PHF20: variants seen among roughly 807,000 people sequenced by gnomAD.
PHF20 encodes glioma-expressed antigen 2.
In PHF20, 23 loss-of-function variants were observed where a neutral mutation model predicts 113.5. That is an observed-to-expected ratio of 0.20 (90% CI 0.15 to 0.29). PHF20 has a LOEUF of 0.29. PHF20 is among the 10% of genes least tolerant of loss of function. The probability of loss-of-function intolerance (pLI) is 1.00; values close to 1 mark genes in which losing one functional copy is unlikely to be tolerated. For synonymous variants in PHF20, 434 were observed against 457.3 expected (o/e 0.95, Z 0.65); for missense variants, 943 against 1,219.6 (o/e 0.77, Z 3.38).
chr20:35,929,362 C>G (rs926864657), intron 14 of PHF20, among the ~76,000 whole-genome samples: 2 of 152,250 alleles, frequency 1.3e-5, no homozygotes, highest in Non-Finnish European at 2.9e-5. Flanking sequence ...CTAGAAGCAT[C>G]TGCCTCCACT....
intron 1 of PHF20, among the ~76,000 whole-genome samples, chr20:35,773,284 A>C (rs1485915828): frequency 6.6e-6 from 1 of 152,114 alleles, no homozygotes; most frequent in Non-Finnish European, 1.5e-5. Flanking sequence ...GGTTTTGAGC[A>C]TGCCTTCCTA....
chr20:35,806,162 A>ATTTT (rs1299032685), intron 2 of PHF20, among the ~76,000 whole-genome samples: 1 of 123,694 alleles, frequency 8.1e-6, no homozygotes, highest in Non-Finnish European at 1.7e-5. Flanking sequence ...CATGCCTGGC[A>ATTTT]TTTTTTTTTT....
chr20:35,940,812 A>G (rs2055962458), intron 16 of PHF20, 52 bp from the exon 17 acceptor site: 2 of 1,476,344 alleles, frequency 1.4e-6, no homozygotes, highest in Admixed American at 2.1e-5. Context: ...TGGTTGAAAA[A>G]TGGGCCAGGG....
intron 2 of PHF20, among the ~76,000 whole-genome samples, chr20:35,804,162 C>T (rs2041838126): frequency 6.6e-6 from 1 of 151,664 alleles, no homozygotes; most frequent in Non-Finnish European, 1.5e-5. Flanking sequence ...GCAACATCCG[C>T]CTCCTGGGTT....
At chr20:35,796,472 T>A (rs2041669212) in intron 1 of PHF20, among the ~76,000 whole-genome samples, 1 of 152,144 alleles carries the variant, frequency 6.6e-6, no homozygotes, top group African/African-American at 2.4e-5. Context: ...TCCAAGAGTA[T>A]AAGCAGTTCC....
chr20:35,919,636 A>AT (rs1225271563), intron 13 of PHF20, among the ~76,000 whole-genome samples: 2 of 151,880 alleles, frequency 1.3e-5, no homozygotes, highest in Non-Finnish European at 2.9e-5. Flanking sequence ...ATACAGTTAC[A>AT]TTTTTTCCTC....
At chr20:35,864,072 A>C (rs930494941) in intron 6 of PHF20, among the ~76,000 whole-genome samples, 5 of 152,200 alleles carry the variant, frequency 3.3e-5, no homozygotes, top group Non-Finnish European at 7.3e-5. Flanking sequence ...CTCGTTCTCC[A>C]AATCAATTCA....
chr20:35,841,234 A>G (rs776425733), intron 2 of PHF20, among the ~76,000 whole-genome samples: 72 of 151,984 alleles, frequency 4.7e-4, no homozygotes, highest in Non-Finnish European at 7.2e-4. Context: ...AGTCTCAACT[A>G]CTTGGGAGGC....
intron 1 of PHF20, among the ~76,000 whole-genome samples, chr20:35,788,157 C>T (rs919641828): frequency 2.0e-5 from 3 of 151,574 alleles, no homozygotes; most frequent in Non-Finnish European, 4.4e-5. Flanking sequence ...AGTGCAGTGG[C>T]GCGATCTCGG....
chr20:35,945,389 A>T (rs1328188999), intron 17 of PHF20, among the ~76,000 whole-genome samples: 1 of 152,202 alleles, frequency 6.6e-6, no homozygotes, highest in Non-Finnish European at 1.5e-5. Context: ...CTCAAAGGAG[A>T]ACATGTGATA....
At chr20:35,887,977 C>CTT (rs1173881486) in intron 9 of PHF20, among the ~76,000 whole-genome samples, 13 of 137,262 alleles carry the variant, frequency 9.5e-5, no homozygotes, top group East Asian at 2.1e-4. Flanking sequence ...TTAGGGTTAC[C>CTT]TTTTTTTTTT....
intron 2 of PHF20, among the ~76,000 whole-genome samples, chr20:35,840,897 A>C (rs532950825): frequency 2.0e-5 from 3 of 152,338 alleles, no homozygotes; most frequent in African/African-American, 7.2e-5. Context: ...TCTAGAAAGA[A>C]GGTTGAATGG....
chr20:35,797,215 T>G (rs900674215), intron 1 of PHF20, among the ~76,000 whole-genome samples: 3 of 150,620 alleles, frequency 2.0e-5, no homozygotes, highest in Non-Finnish European at 4.4e-5. Context: ...TTAAATAACC[T>G]TAAAAGAAAA....
intron 2 of PHF20, among the ~76,000 whole-genome samples, chr20:35,839,390 C>CAAAAAA (rs752680212): frequency 8.8e-5 from 6 of 67,886 alleles, no homozygotes; most frequent in South Asian, 4.7e-4. Context: ...GATTCCATCT[C>CAAAAAA]AAAAAAAAAA....
intron 6 of PHF20, among the ~76,000 whole-genome samples, chr20:35,866,454 CAGTTG>C (rs2054322693): frequency 6.6e-6 from 1 of 152,120 alleles, no homozygotes; most frequent in Non-Finnish European, 1.5e-5. Flanking sequence ...TGGGGAACCC[CAGTTG>C]AGAAAATCTG....
At chr20:35,891,606 A>T (rs1600887939) in intron 9 of PHF20, among the ~76,000 whole-genome samples, 2 of 152,164 alleles carry the variant, frequency 1.3e-5, no homozygotes, top group African/African-American at 4.8e-5. Flanking sequence ...GCATGTGGGA[A>T]CAACATGCCA....
chr20:35,883,086 C>T (rs140330163), intron 9 of PHF20, among the ~76,000 whole-genome samples: 6 of 151,210 alleles, frequency 4.0e-5, no homozygotes, highest in African/African-American at 4.8e-5. Flanking sequence ...TTGTGGCACA[C>T]GCCTGTAGTC....
intron 4 of PHF20, among the ~76,000 whole-genome samples, chr20:35,854,476 G>A (rs181719913): frequency 4.6e-5 from 7 of 152,258 alleles, no homozygotes; most frequent in African/African-American, 7.2e-5. Context: ...AGCTACCTAC[G>A]GGAGGATTCC....
intron 1 of PHF20, among the ~76,000 whole-genome samples, chr20:35,795,017 C>A (rs2041637865): frequency 6.6e-6 from 1 of 151,852 alleles, no homozygotes; most frequent in Non-Finnish European, 1.5e-5. Context: ...CATGGCAATA[C>A]CCTGTCTCTA....
Sources: gnomAD v4.1 joint callset for allele counts (sites outside exome capture counted in the v4.1 genomes callset) on GRCh38, gnomAD v4.1.1 for gene constraint, MANE v1.5 for transcripts, NCBI Gene and HGNC (gene_info 2026-07-23, HGNC 2026-07-21) for gene names.